The following JAK1 variants were observed in gnomAD, a reference collection of about 807,000 sequenced individuals.
JAK1 encodes Janus kinase 1.
In JAK1, 16 loss-of-function variants were observed where a neutral mutation model predicts 136.6. That is an observed-to-expected ratio of 0.12 (90% CI 0.08 to 0.18). JAK1 has a LOEUF of 0.18. JAK1 is among the 10% of genes least tolerant of loss of function. The pLI is 1.00. For missense variants in JAK1, 859 were observed against 1,450.1 expected (o/e 0.59, Z 6.62); for synonymous variants, 492 against 519.5 (o/e 0.95, Z 0.72).
chr1:65,064,549 T>C (rs894202005), intron 1 of JAK1, among the ~76,000 whole-genome samples: 1 of 152,208 alleles, frequency 6.6e-6, no homozygotes, highest in Non-Finnish European at 1.5e-5. Context: ...GAGGAAAGCA[T>C]ATCTCAATTC....
chr1:64,899,997 T>C (rs1195916547), intron 1 of JAK1, among the ~76,000 whole-genome samples: 1 of 152,220 alleles, frequency 6.6e-6, no homozygotes, highest in East Asian at 1.9e-4. Context: ...GTGTTTGTGA[T>C]AGTAGTTACT....
upstream of JAK1, chr1:64,966,561 T>TCCCGCCCCGC (rs917903852): frequency 2.2e-5 from 3 of 138,324 alleles, no homozygotes; most frequent in African/African-American, 8.0e-5. Context: ...CCGCCTCCCG[T>TCCCGCCCCGC]CCCGCCCCGC....
At chr1:65,049,849 T>C (rs1647237806) in intron 1 of JAK1, among the ~76,000 whole-genome samples, 1 of 152,210 alleles carries the variant, frequency 6.6e-6, no homozygotes, top group Non-Finnish European at 1.5e-5. Flanking sequence ...CTTTCTGGGA[T>C]AGTGGCTTAC....
intron 14 of JAK1, 39 bp downstream of exon 14, chr1:64,846,610 A>C (rs773896268): frequency 1.3e-6 from 2 of 1,525,700 alleles, no homozygotes; most frequent in Non-Finnish European, 1.8e-6. Flanking sequence ...CAAGCTCCCC[A>C]GCCAGGCCAC....
intron 2 of JAK1, among the ~76,000 whole-genome samples, chr1:65,009,018 C>T (rs1426065032): frequency 2.0e-5 from 3 of 152,110 alleles, no homozygotes; most frequent in East Asian, 3.8e-4. Context: ...AATATATTCA[C>T]AAAGTCTTTG....
intron 2 of JAK1, among the ~76,000 whole-genome samples, chr1:64,988,964 A>G (rs1406254148): frequency 4.3e-5 from 6 of 139,502 alleles, no homozygotes; most frequent in Admixed American, 7.8e-5. Context: ...ATATGTATGT[A>G]TGTATATATA....
chr1:65,024,030 A>G (rs1006322787), intron 2 of JAK1, among the ~76,000 whole-genome samples: 1 of 148,664 alleles, frequency 6.7e-6, no homozygotes, highest in African/African-American at 2.5e-5. Context: ...TGGACATTTG[A>G]GTTGTTTTCC....
intron 2 of JAK1, among the ~76,000 whole-genome samples, chr1:65,026,244 A>T (rs1176612419): frequency 6.6e-6 from 1 of 152,208 alleles, no homozygotes. Context: ...ATTGAGCCCC[A>T]AACTGTAATT....
chr1:65,067,438 G>A (rs1427460882), intron 1 of JAK1, among the ~76,000 whole-genome samples: 4 of 148,256 alleles, frequency 2.7e-5, no homozygotes, highest in South Asian at 2.1e-4. Flanking sequence ...GGGGCCGGGA[G>A]CGCAGCAGCC....
At chr1:64,905,390 A>T (rs187932311) in intron 1 of JAK1, among the ~76,000 whole-genome samples, 1 of 152,382 alleles carries the variant, frequency 6.6e-6, no homozygotes, top group Non-Finnish European at 1.5e-5. Flanking sequence ...ACATGTTTTT[A>T]TAAATGTACA....
intron 8 of JAK1, among the ~76,000 whole-genome samples, chr1:64,860,945 TG>T: frequency 7.3e-6 from 1 of 137,046 alleles, no homozygotes. Context: ...TGTGTGTGTG[TG>T]TGTGTGTGTG....
intron 2 of JAK1, among the ~76,000 whole-genome samples, chr1:65,032,173 C>T (rs1647029883): frequency 6.6e-6 from 1 of 151,546 alleles, no homozygotes; most frequent in Non-Finnish European, 1.5e-5. Context: ...GCCATATTGG[C>T]CAGGCTGGTC....
intron 14 of JAK1, 59 bp from the exon 15 acceptor site, chr1:64,845,699 A>C (rs1490033622): frequency 6.2e-7 from 1 of 1,606,142 alleles, no homozygotes; most frequent in African/African-American, 1.3e-5. Flanking sequence ...CCTCTCCTTC[A>C]TCCCCTTACG....
At chr1:64,923,999 G>C (rs1287999811) in intron 1 of JAK1, among the ~76,000 whole-genome samples, 1 of 152,124 alleles carries the variant, frequency 6.6e-6, no homozygotes, top group Non-Finnish European at 1.5e-5. Flanking sequence ...TATTTCAATA[G>C]TAATTGCTCT....
rs2100995438 is a variant in JAK1, at chr1:64,844,831, T to C, written c.2174A>G (p.Glu725Gly). Residue 725 changes from glutamate (E) to glycine (G), a missense_variant, in exon 16 of 25, where the codon GAG (glutamate) becomes GGG (glycine). Physicochemically the swap from Glu to Gly is moderately conservative, Grantham distance 98. This residue lies in a region of JAK1 where 409 missense variants were observed against 753.8 expected (regional missense o/e 0.54). Transcript: ENST00000342505. This position sits in a 1 kb window ranked among gnomAD's most constrained non-coding sequence, Gnocchi z 5.7. The stretch of plus-strand genomic sequence containing the variant: ...TGGGCCACACTCACTGTCGATGCCC[T>C]CACGGGCCAGGAGGAGGTTTTTAGT... ...VCTKNLLLAR[E>G]GIDSECGPFI... The C allele has an allele frequency of 6.2e-7, 1 of 1,614,128 alleles. No homozygotes were observed. The highest frequency in any genetic ancestry group is 8.5e-7 in the Non-Finnish European group (1 of 1,179,972).
intron 11 of JAK1, among the ~76,000 whole-genome samples, chr1:64,852,095 CCTTT>C (rs145333934): frequency 0.011 from 1,645 of 152,324 alleles, 29 homozygotes; most frequent in African/African-American, 0.037. Context: ...GCATTCTTTT[CCTTT>C]CTAATTTTTT....
chr1:64,890,147 A>C (rs542298651), intron 1 of JAK1, among the ~76,000 whole-genome samples: 19 of 152,214 alleles, frequency 1.2e-4, no homozygotes, highest in Non-Finnish European at 2.2e-4. Flanking sequence ...AGAAATTTTA[A>C]GACTAAAAAT....
intron 1 of JAK1, among the ~76,000 whole-genome samples, chr1:64,924,287 C>T (rs1312530143): frequency 2.0e-5 from 3 of 152,106 alleles, no homozygotes; most frequent in East Asian, 1.9e-4. Flanking sequence ...TGCAAAAAGT[C>T]CGTTACATAA....
At chr1:64,872,679 A>G (rs756072696) in intron 5 of JAK1, among the ~76,000 whole-genome samples, 6 of 152,260 alleles carry the variant, frequency 3.9e-5, no homozygotes, top group Non-Finnish European at 8.8e-5. Context: ...TTTGTTGAAT[A>G]AATGAATTGT....
Sources: allele counts gnomAD v4.1 joint callset (sites outside exome capture counted in the v4.1 genomes callset), GRCh38; gene constraint gnomAD v4.1.1; regional missense constraint gnomAD v4.1.1; non-coding constraint Gnocchi (gnomAD v3.1); transcripts MANE v1.5; gene names NCBI Gene and HGNC (gene_info 2026-07-23, HGNC 2026-07-21).